STT3B: variants seen among roughly 807,000 people sequenced by gnomAD.
The protein encoded by STT3B is STT3 oligosaccharyltransferase complex catalytic subunit B.
In STT3B, 29 loss-of-function variants were observed where a neutral mutation model predicts 96.8. That is an observed-to-expected ratio of 0.30 (90% CI 0.22 to 0.41). The LOEUF (loss-of-function observed/expected upper bound fraction) is 0.41, where lower values mean the gene tolerates loss of function less well. Among genes scored for constraint, STT3B ranks in the 10% least tolerant of loss-of-function variants. The probability of loss-of-function intolerance (pLI) is 1.00; values close to 1 mark genes in which losing one functional copy is unlikely to be tolerated. For missense variants in STT3B, 640 were observed against 1,022.3 expected (o/e 0.63, Z 5.10); for synonymous variants, 367 against 360.0 (o/e 1.02, Z -0.22).
chr3:31,584,377 G>A (rs944630150), intron 3 of STT3B, among the ~76,000 whole-genome samples: 12 of 152,008 alleles, frequency 7.9e-5, no homozygotes, highest in African/African-American at 2.9e-4. Context: ...CAACTTTGTT[G>A]TTCTTTTTCA....
chr3:31,543,023 G>A lies in STT3B; in HGVS notation c.314+9711G>A, dbSNP rs1056992389. ...AGAGGTTGCAGTGAGCCGAGATTGCGCCACTGCACTCCAGACTGGGCAACA... is the reference window on the plus strand; with the variant it reads ...AGAGGTTGCAGTGAGCCGAGATTGCACCACTGCACTCCAGACTGGGCAACA... On this transcript the variant is annotated intron_variant, in intron 1 of 15. Transcript: ENST00000295770. 4.5e-5 allele frequency among the ~76,000 whole-genome samples: 6 copies of A among 134,326 alleles called. No individual in the cohort carries two copies. In the East Asian group the frequency reaches 1.3e-3, roughly 30 times the overall value. 88.1% of individuals were successfully genotyped at this position (134,326 alleles called of 152,430 possible). A position where few individuals can be genotyped will look rare whatever the true frequency, so the allele number is the denominator to read the frequency against.
chr3:31,580,447 A>G (rs1166694921), intron 3 of STT3B, among the ~76,000 whole-genome samples: 1 of 152,180 alleles, frequency 6.6e-6, no homozygotes, highest in Non-Finnish European at 1.5e-5. Flanking sequence ...TTCTGAAACT[A>G]GCATTATTTA....
chr3:31,569,412 G>A (rs1471155812), intron 1 of STT3B, among the ~76,000 whole-genome samples: 4 of 151,968 alleles, frequency 2.6e-5, no homozygotes, highest in Non-Finnish European at 4.4e-5. Context: ...CTTAGGAGAC[G>A]GTCTCTTTTT....
rs140022345 is a variant in STT3B at position 31,596,774 on chromosome 3, A to G, written c.712-24A>G. 2.9e-5 allele frequency: 45 copies of G among 1,557,218 alleles called. No homozygotes were observed. In the East Asian group the frequency reaches 6.7e-4, roughly 23 times the overall value. On this transcript the variant is annotated intron_variant, in intron 3 of 15. Transcript: ENST00000295770. ...AAGAACATTTGTAAACATTTTTATT[A>G]TATCAGTTGCTTTTGTTTTTTAGGT...
rs566195073 is a variant in STT3B at position 31,532,939 on chromosome 3, C to T, written c.-60C>T. ...TCCTCCTCCGGGTCCCCGCCCAGCA[C>T]CCCTCGCACCAGGCGGCGGCGGCGG... On this transcript the variant is annotated 5_prime_UTR_variant, in exon 1 of 16. Transcript: ENST00000295770. 9 of 1,537,444 alleles carry T rather than the reference C, an allele frequency of 5.9e-6. No individual in the cohort carries two copies. The African/African-American group carries it at 8.6e-5, about 15-fold the overall frequency.
At chr3:31,622,404 T>C (rs1699449683) in intron 10 of STT3B, 96 bp downstream of exon 10, 4 of 1,087,120 alleles carry the variant, frequency 3.7e-6, no homozygotes, top group South Asian at 1.6e-5. Flanking sequence ...TGTTATTAAA[T>C]GATGATTTGG....
At chr3:31,577,477 G>C (rs542589480) in intron 2 of STT3B, among the ~76,000 whole-genome samples, 2 of 151,960 alleles carry the variant, frequency 1.3e-5, no homozygotes, top group African/African-American at 4.8e-5. Context: ...CAAACATAAG[G>C]GGATTACCCA....
chr3:31,563,490 G>A (rs917530067), intron 1 of STT3B, among the ~76,000 whole-genome samples: 1 of 152,152 alleles, frequency 6.6e-6, no homozygotes, highest in Non-Finnish European at 1.5e-5. Flanking sequence ...TAGTGATAAA[G>A]GCTATTAAAA....
chr3:31,546,922 C>T lies in STT3B; in HGVS notation c.314+13610C>T, dbSNP rs570315112. Among the ~76,000 whole-genome samples the T allele has an allele frequency of 3.3e-5, 5 of 152,214 alleles. No homozygotes were observed. In the East Asian group the frequency reaches 9.7e-4, roughly 29 times the overall value. ...AAAGGAAAGGCCTTGAAGTCAGCCT[C>T]CAGGGTGACATTTTTGTTACAAAGA... On this transcript the variant is annotated intron_variant, in intron 1 of 15. Coordinates refer to ENST00000295770, the MANE Select transcript of STT3B (RefSeq NM_178862.3).
intron 12 of STT3B, 41 bp downstream of exon 12, chr3:31,625,126 A>T (rs1415030202): frequency 6.4e-7 from 1 of 1,562,438 alleles, no homozygotes; most frequent in Admixed American, 1.8e-5. Flanking sequence ...ATCTTTATTC[A>T]CTCCTTAGCA....
At chr3:31,575,577 T>G (rs1010466370) in intron 1 of STT3B, among the ~76,000 whole-genome samples, 1 of 152,168 alleles carries the variant, frequency 6.6e-6, no homozygotes, top group East Asian at 1.9e-4. Context: ...CTGGAAAGGA[T>G]GTATCAAACT....
rs1575452513 is a variant in STT3B at position 31,636,310 on chromosome 3, T to G, written c.*246T>G. The G allele has an allele frequency of 9.2e-6, 3 of 327,358 alleles. No individual in the cohort carries two copies. In the East Asian group the frequency reaches 1.5e-4, roughly 16 times the overall value. 20.3% of individuals were successfully genotyped at this position (327,358 alleles called of 1,614,324 possible). The stretch of plus-strand genomic sequence containing the variant: ...AAATGTCTAGCAGCAGATTTTTTTT[T>G]TATTGGTACATATTATCCTTCAAAT... On this transcript the variant is annotated 3_prime_UTR_variant, in exon 16 of 16. Transcript: ENST00000295770.
chr3:31,607,676 A>G (rs1407966735), intron 5 of STT3B, among the ~76,000 whole-genome samples: 3 of 152,186 alleles, frequency 2.0e-5, no homozygotes, highest in Non-Finnish European at 4.4e-5. Context: ...ATAAATGTAT[A>G]TAGTTGAAAA....
chr3:31,581,392 G>T (rs1698380427), intron 3 of STT3B, among the ~76,000 whole-genome samples: 1 of 152,072 alleles, frequency 6.6e-6, no homozygotes. Context: ...CTACACTTGT[G>T]TATGTTTCAA....
intron 5 of STT3B, among the ~76,000 whole-genome samples, chr3:31,602,204 G>A (rs896970252): frequency 2.6e-5 from 4 of 151,926 alleles, no homozygotes; most frequent in Non-Finnish European, 4.4e-5. Flanking sequence ...ACAAATAACC[G>A]TACTGTTGAA....
intron 14 of STT3B, among the ~76,000 whole-genome samples, chr3:31,631,796 AT>A (rs1325492359): frequency 6.6e-6 from 1 of 152,020 alleles, no homozygotes; most frequent in Non-Finnish European, 1.5e-5. Context: ...AAAAAAAAAA[AT>A]GGAAAAAAAA....
intron 14 of STT3B, among the ~76,000 whole-genome samples, chr3:31,630,102 G>C (rs1449860085): frequency 3.3e-5 from 5 of 152,140 alleles, no homozygotes; most frequent in Admixed American, 1.3e-4. Flanking sequence ...TTGATGACTT[G>C]ATTTTTAAGG....
At chr3:31,606,710 G>A (rs1302343148) in intron 5 of STT3B, among the ~76,000 whole-genome samples, 2 of 152,238 alleles carry the variant, frequency 1.3e-5, no homozygotes, top group Admixed American at 6.5e-5. Context: ...GAAGGGAAAT[G>A]TGGGCTTGAA....
At chr3:31,617,416 C>A (rs1699332728) in intron 7 of STT3B, among the ~76,000 whole-genome samples, 2 of 151,892 alleles carry the variant, frequency 1.3e-5, no homozygotes, top group African/African-American at 4.8e-5. Flanking sequence ...CAGTTTCAGT[C>A]TGCTTCTGGA....
Sources: gnomAD v4.1 joint callset for allele counts (sites outside exome capture counted in the v4.1 genomes callset) on GRCh38, gnomAD v4.1.1 for gene constraint, MANE v1.5 for transcripts, NCBI Gene and HGNC (gene_info 2026-07-23, HGNC 2026-07-21) for gene names.